COL25A1: variants seen among roughly 807,000 people sequenced by gnomAD.
COL25A1 encodes collagen alpha-1(XXV) chain.
COL25A1 carries 103 observed loss-of-function variants against 128.4 expected under a neutral mutation model. The ratio of observed to expected loss-of-function variants is 0.80; its 90% CI spans 0.68 to 0.94. The LOEUF (loss-of-function observed/expected upper bound fraction) is 0.94. COL25A1 is among the 40% of genes least tolerant of loss of function. COL25A1 has a pLI of 0.00. For synonymous variants in COL25A1, 279 were observed against 277.2 expected, an observed-to-expected ratio of 1.01 and a Z score of -0.06; for missense variants, 745 against 840.0, an observed-to-expected ratio of 0.89 and a Z score of 1.40.
rs147657335 is a variant in COL25A1 at position 109,147,761 on chromosome 4, G to T, written c.368-97582C>A. On this transcript the variant is annotated intron_variant, in intron 3 of 37. Transcript: ENST00000399132. ...GAACCCAGGAGATGGAGTTTGCAGT[G>T]AGCCAAGATTGTGCCACTGCACTCC... Among the ~76,000 whole-genome samples the T allele has an allele frequency of 7.2e-3, 1,075 of 150,154 alleles. 16 individuals carry two copies. Among genetic ancestry groups the T allele is most frequent in the African/African-American group, 0.024 (988 of 40,650 alleles).
intron 3 of COL25A1, among the ~76,000 whole-genome samples, chr4:109,108,822 A>G (rs1766710458): frequency 6.6e-6 from 1 of 152,172 alleles, no homozygotes. Context: ...TAGACATGCT[A>G]TTGCACACTT....
intron 31 of COL25A1, among the ~76,000 whole-genome samples, chr4:108,840,437 T>G (rs1734313256): frequency 6.6e-6 from 1 of 152,114 alleles, no homozygotes; most frequent in South Asian, 2.1e-4. Context: ...CTCACTGGCC[T>G]TACTGGAAGG....
At chr4:108,963,600 A>T (rs1188790522) in intron 8 of COL25A1, among the ~76,000 whole-genome samples, 2 of 152,134 alleles carry the variant, frequency 1.3e-5, no homozygotes, top group Non-Finnish European at 2.9e-5. Flanking sequence ...TAAATCTAAA[A>T]ATCTTATATT....
intron 8 of COL25A1, among the ~76,000 whole-genome samples, chr4:108,950,080 T>C (rs986241738): frequency 6.6e-6 from 1 of 152,190 alleles, no homozygotes; most frequent in Admixed American, 6.5e-5. Context: ...CCACGCTCTT[T>C]TCCTCTTGTA....
intron 3 of COL25A1, among the ~76,000 whole-genome samples, chr4:109,218,794 G>GC (rs1578472575): frequency 1.3e-5 from 2 of 152,072 alleles, no homozygotes; most frequent in East Asian, 3.9e-4. Flanking sequence ...TCTCATGGGA[G>GC]TTTTTTATCT....
In COL25A1 at chr4:109,087,554, C is replaced by T. The variant is rs536291760; in HGVS notation, c.368-37375G>A. ...ACACATCAAGAAATATATTGATGAC[C>T]CTTGCTTCATATCCAGTGGTCCTCT... is the stretch of plus-strand genomic sequence containing the variant. On this transcript the variant is annotated intron_variant, in intron 3 of 37. Coordinates refer to ENST00000399132, the MANE Select transcript of COL25A1 (RefSeq NM_198721.4). Among the ~76,000 whole-genome samples, 5 of 152,234 alleles carry T rather than the reference C, an allele frequency of 3.3e-5. No homozygotes were observed. The East Asian group carries it at 7.7e-4, about 23-fold the overall frequency.
chr4:108,855,350 A>G (rs549228946), intron 24 of COL25A1, among the ~76,000 whole-genome samples: 164 of 147,128 alleles, frequency 1.1e-3, no homozygotes, highest in African/African-American at 3.7e-3. Flanking sequence ...CTAGAACAAG[A>G]ATTGGATTTG....
chr4:109,243,729 T>C (rs1428285180), intron 3 of COL25A1, among the ~76,000 whole-genome samples: 1 of 152,048 alleles, frequency 6.6e-6, no homozygotes, highest in African/African-American at 2.4e-5. Context: ...AAGATTTCTC[T>C]GAGAGTGAGA....
intron 32 of COL25A1, among the ~76,000 whole-genome samples, chr4:108,827,569 C>T (rs954847325): frequency 2.0e-5 from 3 of 152,044 alleles, no homozygotes; most frequent in African/African-American, 7.2e-5. Context: ...CTCTTTCATC[C>T]AGGCTGGAGT....
intron 6 of COL25A1, among the ~76,000 whole-genome samples, chr4:108,983,628 G>C (rs888539734): frequency 6.6e-6 from 1 of 152,056 alleles, no homozygotes; most frequent in Non-Finnish European, 1.5e-5. Context: ...TTAAGGTGGC[G>C]CATCTGGAGT....
chr4:109,096,493 G>A lies in COL25A1; in HGVS notation c.368-46314C>T, dbSNP rs553426237. Among the ~76,000 whole-genome samples the A allele has an allele frequency of 1.9e-4, 29 of 152,210 alleles. No homozygotes were observed. In the South Asian group the frequency reaches 5.8e-3, roughly 30 times the overall value. ...CATGCTGTACAGGTTGGTACCCTAG[G>A]AGCAACAGGCTATACCACATAGCCT... On this transcript the variant is annotated intron_variant, in intron 3 of 37. Transcript: ENST00000399132.
At position 109,285,888 on chromosome 4, in the gene COL25A1, T is replaced by C. The variant is rs554026100; in HGVS notation, c.367+14695A>G. Among the ~76,000 whole-genome samples, 13 of 152,086 alleles carry C rather than the reference T, an allele frequency of 8.5e-5. No homozygotes were observed. In the East Asian group the frequency reaches 1.2e-3, roughly 14 times the overall value. ...TTTTGTTTTGTTTTTTGTTTTTTTG[T>C]CTGTTTGAGAGTGATTAAGCATTTA... On this transcript the variant is annotated intron_variant, in intron 3 of 37. Coordinates refer to ENST00000399132, the MANE Select transcript of COL25A1 (RefSeq NM_198721.4).
chr4:108,913,063 C>A (rs905704147), intron 13 of COL25A1, among the ~76,000 whole-genome samples: 9 of 151,912 alleles, frequency 5.9e-5, no homozygotes, highest in Non-Finnish European at 8.8e-5. Context: ...GAATCAAGAT[C>A]ATCTGATATT....
At chr4:109,011,983 GAGA>G (rs1756635208) in intron 5 of COL25A1, among the ~76,000 whole-genome samples, 3 of 152,176 alleles carry the variant, frequency 2.0e-5, no homozygotes, top group Non-Finnish European at 4.4e-5. Context: ...ACTAAACGTA[GAGA>G]AGATTTCTAT....
intron 13 of COL25A1, among the ~76,000 whole-genome samples, chr4:108,908,464 A>G (rs964055436): frequency 6.6e-6 from 1 of 152,024 alleles, no homozygotes; most frequent in African/African-American, 2.4e-5. Flanking sequence ...CTTTTTCTTT[A>G]TCATTCCGGG....
At chr4:108,970,271 T>C (rs965268017) in intron 8 of COL25A1, among the ~76,000 whole-genome samples, 2 of 152,140 alleles carry the variant, frequency 1.3e-5, no homozygotes, top group Admixed American at 1.3e-4. Flanking sequence ...AAGCACAGAT[T>C]ACTCAAAATT....
intron 8 of COL25A1, among the ~76,000 whole-genome samples, chr4:108,951,598 T>C (rs2042623): frequency 0.72 from 109,084 of 150,814 alleles, 39,710 homozygotes; most frequent in East Asian, 0.99. Flanking sequence ...GTTGGCCAGG[T>C]GGGTCTCAAA....
chr4:109,145,441 T>G (rs927614632), intron 3 of COL25A1, among the ~76,000 whole-genome samples: 13 of 152,240 alleles, frequency 8.5e-5, no homozygotes, highest in Admixed American at 8.5e-4. Flanking sequence ...ACTGTAATTA[T>G]TCATCCTTAA....
At chr4:108,901,231 G>T in intron 13 of COL25A1, 59 bp from the exon 14 acceptor site, 1 of 1,123,752 alleles carries the variant, frequency 8.9e-7, no homozygotes, top group Non-Finnish European at 1.4e-6. Context: ...ACATTACATG[G>T]ATCATTAGAG....
Sources: gnomAD v4.1 joint callset for allele counts (sites outside exome capture counted in the v4.1 genomes callset) on GRCh38, gnomAD v4.1.1 for gene constraint, MANE v1.5 for transcripts, NCBI Gene and HGNC (gene_info 2026-07-23, HGNC 2026-07-21) for gene names.